ANKRD33B: variants seen among roughly 807,000 people sequenced by gnomAD.
The protein encoded by ANKRD33B is ankyrin repeat domain 33B.
A neutral mutation model predicts 21.5 loss-of-function variants in ANKRD33B; 6 were observed. The ratio of observed to expected loss-of-function variants is 0.28; its 90% CI spans 0.15 to 0.55. The LOEUF is 0.55. Among genes scored for constraint, ANKRD33B ranks in the 20% least tolerant of loss-of-function variants. The probability of loss-of-function intolerance (pLI) is 0.94; values close to 1 mark genes in which losing one functional copy is unlikely to be tolerated. For synonymous variants in ANKRD33B, 347 were observed against 342.4 expected (o/e 1.01, Z -0.15); for missense variants, 698 against 747.2 (o/e 0.93, Z 0.77).
At chr5:10,574,916 CAA>C (rs746283372) in intron 1 of ANKRD33B, among the ~76,000 whole-genome samples, 1 of 31,796 alleles carries the variant, frequency 3.1e-5, no homozygotes, top group Admixed American at 5.4e-4. Context: ...TTTGTCTCTA[CAA>C]AAAAAAAAAA....
chr5:10,647,109 AT>A (rs57888805), intron 3 of ANKRD33B, among the ~76,000 whole-genome samples: 159 of 145,894 alleles, frequency 1.1e-3, no homozygotes, highest in Non-Finnish European at 1.0e-3. Flanking sequence ...ATCCTCAATG[AT>A]TTTTTTTTTT....
intron 1 of ANKRD33B, among the ~76,000 whole-genome samples, chr5:10,590,062 A>G (rs1006045029): frequency 2.0e-5 from 3 of 151,472 alleles, no homozygotes; most frequent in Non-Finnish European, 4.4e-5. Context: ...CTTAATTTCA[A>G]TTATGCTGTA....
At chr5:10,574,641 C>G (rs1735277212) in intron 1 of ANKRD33B, among the ~76,000 whole-genome samples, 1 of 152,054 alleles carries the variant, frequency 6.6e-6, no homozygotes, top group African/African-American at 2.4e-5. Flanking sequence ...AGCTGATTCT[C>G]TGAAAGTAAT....
chr5:10,613,671 A>C (rs1368859134), intron 1 of ANKRD33B, among the ~76,000 whole-genome samples: 1 of 151,934 alleles, frequency 6.6e-6, no homozygotes, highest in East Asian at 1.9e-4. Context: ...GAGGCCAAGG[A>C]GGGCAGATCA....
At chr5:10,643,196 C>A (rs541012980) in intron 3 of ANKRD33B, among the ~76,000 whole-genome samples, 2 of 152,204 alleles carry the variant, frequency 1.3e-5, no homozygotes, top group South Asian at 4.2e-4. Context: ...AGCCACCGCA[C>A]CTGGCCAGGG....
intron 2 of ANKRD33B, among the ~76,000 whole-genome samples, chr5:10,635,276 A>C (rs1354039713): frequency 6.6e-6 from 1 of 152,230 alleles, no homozygotes; most frequent in Admixed American, 6.5e-5. Flanking sequence ...CCCTGGTTAA[A>C]TCTAACTGAC....
At chr5:10,646,638 C>CT (rs566811228) in intron 3 of ANKRD33B, among the ~76,000 whole-genome samples, 94 of 152,228 alleles carry the variant, frequency 6.2e-4, no homozygotes, top group Non-Finnish European at 1.1e-3. Context: ...TAGTTTGTTC[C>CT]TTTTTTAAGT....
At chr5:10,577,597 AGG>A (rs1204336862) in intron 1 of ANKRD33B, among the ~76,000 whole-genome samples, 2 of 152,154 alleles carry the variant, frequency 1.3e-5, no homozygotes, top group Non-Finnish European at 1.5e-5. Flanking sequence ...AGCCATCCAA[AGG>A]GCATGACCCT....
At chr5:10,571,892 CTTTT>C (rs11433872) in intron 1 of ANKRD33B, among the ~76,000 whole-genome samples, 1 of 144,248 alleles carries the variant, frequency 6.9e-6, no homozygotes. Context: ...TTTCTTTTTT[CTTTT>C]TTTTTTTTTG....
rs541059608 is a variant in ANKRD33B, at chr5:10,632,522, C to A, written c.497-5506C>A. Among the ~76,000 whole-genome samples, 205 of 152,276 alleles carry A rather than the reference C, an allele frequency of 1.3e-3. 1 individual carries two copies. Among genetic ancestry groups the A allele is most frequent in the African/African-American group, 4.6e-3 (191 of 41,554 alleles). On this transcript the variant is annotated intron_variant, in intron 2 of 3. Coordinates refer to ENST00000296657, the MANE Select transcript of ANKRD33B (RefSeq NM_001164440.2). ...TTTCCAGCTTTCCTCTTTTGCATAC[C>A]ACAGACCTGTCCATCCACTCATTTA...
chr5:10,635,888 C>T (rs1736847342), intron 2 of ANKRD33B, among the ~76,000 whole-genome samples: 3 of 152,236 alleles, frequency 2.0e-5, no homozygotes, highest in Admixed American at 6.5e-5. Flanking sequence ...GAGCAGAGGC[C>T]AAGGGCGCCC....
intron 1 of ANKRD33B, among the ~76,000 whole-genome samples, chr5:10,575,543 A>G (rs1370735247): frequency 6.6e-6 from 1 of 152,186 alleles, no homozygotes; most frequent in Non-Finnish European, 1.5e-5. Context: ...AGCTAAGGGT[A>G]AATATGACGG....
chr5:10,635,498 C>G, intron 2 of ANKRD33B, among the ~76,000 whole-genome samples: 1 of 152,226 alleles, frequency 6.6e-6, no homozygotes, highest in East Asian at 1.9e-4. Flanking sequence ...AGTCACGCAG[C>G]GAGGGGATCG....
intron 2 of ANKRD33B, among the ~76,000 whole-genome samples, chr5:10,632,040 C>T (rs972415555): frequency 4.6e-5 from 7 of 152,100 alleles, no homozygotes; most frequent in Non-Finnish European, 8.8e-5. Flanking sequence ...ATGGGTATAA[C>T]GAGGCGCATT....
At chr5:10,609,025 G>T (rs1393337825) in intron 1 of ANKRD33B, among the ~76,000 whole-genome samples, 1 of 152,328 alleles carries the variant, frequency 6.6e-6, no homozygotes, top group East Asian at 1.9e-4. Flanking sequence ...AGTGTCTAGG[G>T]CTGTATTGCC....
intron 1 of ANKRD33B, among the ~76,000 whole-genome samples, chr5:10,587,415 TTA>T (rs1484150232): frequency 1.3e-5 from 2 of 152,164 alleles, no homozygotes; most frequent in African/African-American, 2.4e-5. Flanking sequence ...TTTAGTGATG[TTA>T]AAGATCTTTC....
rs528619226 is a variant in ANKRD33B, at chr5:10,624,550, A to G, written c.496+6088A>G. 1.9e-4 allele frequency among the ~76,000 whole-genome samples: 29 copies of G among 150,876 alleles called. No individual in the cohort carries two copies. The South Asian group carries it at 6.0e-3, about 31-fold the overall frequency. On this transcript the variant is annotated intron_variant, in intron 2 of 3. Coordinates refer to ENST00000296657, the MANE Select transcript of ANKRD33B (RefSeq NM_001164440.2). ...CTGGGCTCTGATCCCTGGACACCCA[A>G]CCTAGGCTGCTGCCTGAGGCTTTGG...
In ANKRD33B at chr5:10,577,508, C is replaced by T. The variant is rs138372658; in HGVS notation, c.366+12675C>T. On this transcript the variant is annotated intron_variant, in intron 1 of 3. Coordinates refer to ENST00000296657, the MANE Select transcript of ANKRD33B (RefSeq NM_001164440.2). ...GGGTCTTGCAGGGACTGATTCTGTC[C>T]GGTGTCGGGCTATGCACAGGCAGCT... 7.2e-5 allele frequency among the ~76,000 whole-genome samples: 11 copies of T among 152,316 alleles called. 1 individual carries two copies. Among genetic ancestry groups the T allele is most frequent in the African/African-American group, 2.2e-4 (9 of 41,572 alleles).
At chr5:10,594,932 G>A (rs1173042779) in intron 1 of ANKRD33B, among the ~76,000 whole-genome samples, 2 of 152,198 alleles carry the variant, frequency 1.3e-5, no homozygotes, top group African/African-American at 4.8e-5. Context: ...AGAGTTGAAG[G>A]AGCTGGGCTG....
Sources: allele counts gnomAD v4.1 joint callset (sites outside exome capture counted in the v4.1 genomes callset), GRCh38; gene constraint gnomAD v4.1.1; transcripts MANE v1.5; gene names NCBI Gene and HGNC (gene_info 2026-07-23, HGNC 2026-07-21).